SPIDR: variants seen among roughly 807,000 people sequenced by gnomAD.
The protein encoded by SPIDR is DNA repair-scaffolding protein.
Under a neutral mutation model 104.6 loss-of-function variants are expected in SPIDR, and 93 were observed. The observed-to-expected ratio is 0.89, with a 90% CI of 0.75 to 1.06. SPIDR has a LOEUF of 1.06. Ranked by LOEUF, SPIDR falls within the 50% of genes least tolerant of loss-of-function variation. SPIDR has a pLI of 0.00. For missense variants in SPIDR, 1,154 were observed against 1,111.2 expected (o/e 1.04, Z -0.55); for synonymous variants, 431 against 416.9 (o/e 1.03, Z -0.41).
intron 7 of SPIDR, among the ~76,000 whole-genome samples, chr8:47,421,198 A>G (rs1027049070): frequency 3.4e-4 from 52 of 152,358 alleles, no homozygotes; most frequent in African/African-American, 1.2e-3. Flanking sequence ...AATATCCTGC[A>G]GAGTGTTTTC....
At chr8:47,666,424 G>T (rs1301086909) in intron 10 of SPIDR, among the ~76,000 whole-genome samples, 4 of 152,122 alleles carry the variant, frequency 2.6e-5, no homozygotes, top group Non-Finnish European at 5.9e-5. Flanking sequence ...TTCTGATGGA[G>T]GTTTAGCTCT....
intron 8 of SPIDR, among the ~76,000 whole-genome samples, chr8:47,560,384 C>G (rs1305603451): frequency 1.3e-5 from 2 of 152,224 alleles, no homozygotes; most frequent in Non-Finnish European, 2.9e-5. Context: ...ATCCTTGTGT[C>G]TTTGAGTACT....
intron 8 of SPIDR, among the ~76,000 whole-genome samples, chr8:47,572,673 A>AAAAT (rs56105115): frequency 0.12 from 17,339 of 145,780 alleles, 1,253 homozygotes; most frequent in African/African-American, 0.21. Context: ...AAATTAAATT[A>AAAAT]AAATAAATAA....
At chr8:47,596,058 G>A (rs1456365771) in intron 9 of SPIDR, 52 bp downstream of exon 9, 18 of 1,499,646 alleles carry the variant, frequency 1.2e-5, no homozygotes, top group Non-Finnish European at 1.5e-5. Flanking sequence ...GTTAGTGACT[G>A]GATTTGGAAG....
chr8:47,678,649 A>G (rs1275266442), intron 11 of SPIDR, among the ~76,000 whole-genome samples: 1 of 152,118 alleles, frequency 6.6e-6, no homozygotes, highest in Non-Finnish European at 1.5e-5. Flanking sequence ...GAGAACAGGA[A>G]AGGCATGGGC....
At chr8:47,633,443 G>A (rs1264351368) in intron 10 of SPIDR, among the ~76,000 whole-genome samples, 5 of 151,914 alleles carry the variant, frequency 3.3e-5, no homozygotes, top group African/African-American at 1.2e-4. Flanking sequence ...CATGAACCAA[G>A]GAGAATGTTC....
intron 10 of SPIDR, among the ~76,000 whole-genome samples, chr8:47,617,110 A>C (rs893806690): frequency 2.6e-5 from 4 of 152,172 alleles, no homozygotes; most frequent in African/African-American, 9.7e-5. Context: ...TTTTCATTAC[A>C]TCCTATCAAA....
At chr8:47,688,524 T>C (rs1431975364) in intron 11 of SPIDR, 1 of 152,252 alleles carries the variant, frequency 6.6e-6, no homozygotes, top group Non-Finnish European at 1.5e-5. Context: ...AACAACATAG[T>C]TTTAAACCAA....
chr8:47,273,349 A>C (rs1311298856), intron 1 of SPIDR, among the ~76,000 whole-genome samples: 1 of 152,252 alleles, frequency 6.6e-6, no homozygotes, highest in African/African-American at 2.4e-5. Flanking sequence ...ATTCAGTAGA[A>C]GCAGATGAAC....
intron 8 of SPIDR, among the ~76,000 whole-genome samples, chr8:47,483,676 C>T (rs1049275209): frequency 6.6e-6 from 1 of 152,192 alleles, no homozygotes; most frequent in African/African-American, 2.4e-5. Flanking sequence ...TTAATGTATG[C>T]TCTTTTTTCT....
At chr8:47,499,662 A>G (rs1716892804) in intron 8 of SPIDR, among the ~76,000 whole-genome samples, 1 of 151,524 alleles carries the variant, frequency 6.6e-6, no homozygotes, top group South Asian at 2.1e-4. Context: ...TATACTTTTA[A>G]GTTTTAGGGT....
chr8:47,705,742 A>G (rs540166676), intron 14 of SPIDR, among the ~76,000 whole-genome samples: 2 of 152,238 alleles, frequency 1.3e-5, no homozygotes, highest in South Asian at 4.1e-4. Context: ...CGTCTCTACA[A>G]AAAAATTAAA....
intron 11 of SPIDR, among the ~76,000 whole-genome samples, chr8:47,691,192 G>A (rs1016966167): frequency 2.0e-5 from 3 of 147,388 alleles, no homozygotes; most frequent in Non-Finnish European, 3.0e-5. Flanking sequence ...CTGGGAGCCC[G>A]AAACACGAGA....
At chr8:47,371,797 A>G (rs983794920) in intron 5 of SPIDR, among the ~76,000 whole-genome samples, 4 of 152,148 alleles carry the variant, frequency 2.6e-5, no homozygotes, top group African/African-American at 7.2e-5. Context: ...AATTAATAGG[A>G]AGTAACTGGC....
intron 8 of SPIDR, among the ~76,000 whole-genome samples, chr8:47,443,296 G>A (rs1317970882): frequency 5.9e-5 from 9 of 152,022 alleles, no homozygotes; most frequent in African/African-American, 7.2e-5. Context: ...GAGGCCGGGC[G>A]CATTAGTTCA....
chr8:47,512,145 C>T, intron 8 of SPIDR: 1 of 429,304 alleles, frequency 2.3e-6, no homozygotes, highest in Non-Finnish European at 4.3e-6. Context: ...CCGCTGCCGT[C>T]TTCATCCCAT....
chr8:47,555,449 A>G (rs184604654), intron 8 of SPIDR, among the ~76,000 whole-genome samples: 16 of 152,364 alleles, frequency 1.1e-4, no homozygotes, highest in African/African-American at 3.8e-4. Flanking sequence ...CACGTTCTAC[A>G]GAAGAAACTG....
intron 2 of SPIDR, among the ~76,000 whole-genome samples, chr8:47,280,301 T>A (rs2037476065): frequency 6.6e-6 from 1 of 151,822 alleles, no homozygotes; most frequent in African/African-American, 2.4e-5. Context: ...TGGAGTACAG[T>A]GGCGCAATCA....
chr8:47,460,651 A>G (rs2073784298), intron 8 of SPIDR, among the ~76,000 whole-genome samples: 2 of 152,154 alleles, frequency 1.3e-5, no homozygotes, highest in South Asian at 4.1e-4. Flanking sequence ...TTTACACTCA[A>G]CATTAGTATT....
Sources: allele counts gnomAD v4.1 joint callset (sites outside exome capture counted in the v4.1 genomes callset), GRCh38; gene constraint gnomAD v4.1.1; transcripts MANE v1.5; gene names NCBI Gene and HGNC (gene_info 2026-07-23, HGNC 2026-07-21).